ZNF475: variants seen among roughly 807,000 people sequenced by gnomAD.
ZNF475 encodes the protein zinc finger protein 475.
At chr5:122,178,158 G>C in the ZNF475 span, among the ~76,000 whole-genome samples, 11 of 152,276 alleles carry the variant, frequency 7.2e-5, no homozygotes, top group Admixed American at 5.2e-4. Context: ...TGGGCATTTG[G>C]GTTGGTTCCA....
chr5:122,171,521 A>T, the ZNF475 span, among the ~76,000 whole-genome samples: 1 of 152,312 alleles, frequency 6.6e-6, no homozygotes, highest in South Asian at 2.1e-4. Flanking sequence ...GAACTGTAGG[A>T]TAATATTTCT....
chr5:122,168,680 T>C, the ZNF475 span, among the ~76,000 whole-genome samples: 1 of 152,214 alleles, frequency 6.6e-6, no homozygotes, highest in African/African-American at 2.4e-5. Flanking sequence ...GCCACTGCAC[T>C]GCAGGCTGGG....
At chr5:122,179,340 C>T in the ZNF475 span, among the ~76,000 whole-genome samples, 7 of 152,016 alleles carry the variant, frequency 4.6e-5, no homozygotes, top group Non-Finnish European at 5.9e-5. Flanking sequence ...GTAGTATGGC[C>T]GTTTTCACGA....
the ZNF475 span, among the ~76,000 whole-genome samples, chr5:122,160,509 A>G: frequency 6.6e-6 from 1 of 152,208 alleles, no homozygotes; most frequent in African/African-American, 2.4e-5. Context: ...ACTTATAATT[A>G]TATATCACAT....
At chr5:122,171,188 T>A in the ZNF475 span, among the ~76,000 whole-genome samples, 18 of 152,116 alleles carry the variant, frequency 1.2e-4, no homozygotes, top group Admixed American at 5.2e-4. Context: ...AGAAAATAAT[T>A]TAGTCTGCAT....
At chr5:122,179,246 A>T in the ZNF475 span, among the ~76,000 whole-genome samples, 2 of 152,164 alleles carry the variant, frequency 1.3e-5, no homozygotes, top group African/African-American at 4.8e-5. Context: ...TTCAGTATAA[A>T]ATTTAAAGTG....
the ZNF475 span, chr5:122,163,015 A>G: frequency 6.6e-6 from 1 of 152,200 alleles, no homozygotes; most frequent in Non-Finnish European, 1.5e-5. Context: ...CAGATCATAG[A>G]TGCACAGTTA....
At chr5:122,176,840 A>G in the ZNF475 span, among the ~76,000 whole-genome samples, 1 of 152,188 alleles carries the variant, frequency 6.6e-6, no homozygotes, top group African/African-American at 2.4e-5. Context: ...ATGGGCTCAA[A>G]AATTATGATT....
chr5:122,177,837 C>T, the ZNF475 span, among the ~76,000 whole-genome samples: 1 of 152,004 alleles, frequency 6.6e-6, no homozygotes, highest in South Asian at 2.1e-4. Flanking sequence ...TTGTGGTTTG[C>T]TGCACCCATC....
chr5:122,160,282 TC>T, the ZNF475 span: 3 of 1,289,722 alleles, frequency 2.3e-6, no homozygotes, highest in South Asian at 3.7e-5. Context: ...CCAGTTCTCT[TC>T]TACATTGTTG....
the ZNF475 span, chr5:122,180,099 T>A: frequency 6.5e-6 from 1 of 152,926 alleles, no homozygotes; most frequent in Non-Finnish European, 1.5e-5. Flanking sequence ...AAAAAACCTT[T>A]GGGAACATCC....
chr5:122,160,764 A>G, the ZNF475 span, among the ~76,000 whole-genome samples: 29,555 of 152,176 alleles, frequency 0.19, 4,782 homozygotes, highest in African/African-American at 0.45. Context: ...AGTTAATCTA[A>G]CTTAATTTCA....
chr5:122,179,760 A>G, the ZNF475 span: 7 of 1,428,356 alleles, frequency 4.9e-6, no homozygotes, highest in Admixed American at 2.8e-5. Context: ...ATTTGAGTGC[A>G]TAAGGGGAGA....
chr5:122,171,414 C>T, the ZNF475 span, among the ~76,000 whole-genome samples: 15 of 152,146 alleles, frequency 9.9e-5, no homozygotes, highest in East Asian at 3.9e-4. Flanking sequence ...TAAGTAGACA[C>T]GTATATGTTT....
At chr5:122,178,359 C>T in the ZNF475 span, among the ~76,000 whole-genome samples, 2 of 152,284 alleles carry the variant, frequency 1.3e-5, no homozygotes, top group African/African-American at 2.4e-5. Flanking sequence ...ATACTTGCAC[C>T]AACAGTGTAA....
chr5:122,160,783 C>T, the ZNF475 span, among the ~76,000 whole-genome samples: 1 of 152,218 alleles, frequency 6.6e-6, no homozygotes, highest in Admixed American at 6.5e-5. Flanking sequence ...CATATGTCTT[C>T]AAAGCCTTTT....
At chr5:122,163,863 A>G in the ZNF475 span, among the ~76,000 whole-genome samples, 2 of 152,346 alleles carry the variant, frequency 1.3e-5, no homozygotes, top group Admixed American at 6.5e-5. Flanking sequence ...GATAGGCTTC[A>G]AGCCTCTTGT....
chr5:122,161,980 T>TAA, the ZNF475 span, among the ~76,000 whole-genome samples: 1 of 141,656 alleles, frequency 7.1e-6, no homozygotes. Flanking sequence ...ATGTGAAAAT[T>TAA]AAAAAAAAAA....
chr5:122,160,324 T>C, the ZNF475 span: 1 of 1,224,604 alleles, frequency 8.2e-7, no homozygotes, highest in Non-Finnish European at 1.1e-6. Flanking sequence ...GGAATTTGTG[T>C]ATATGTATTA....
Sources: allele counts gnomAD v4.1 joint callset (sites outside exome capture counted in the v4.1 genomes callset), GRCh38; gene constraint gnomAD v4.1.1; transcripts MANE v1.5; gene names NCBI Gene and HGNC (gene_info 2026-07-23, HGNC 2026-07-21).